The following MAMDC2 variants were observed in gnomAD, a reference collection of about 807,000 sequenced individuals.
MAMDC2 encodes the protein MAM domain containing 2, also known as MAM domain-containing protein 2.
Under a neutral mutation model 89.8 loss-of-function variants are expected in MAMDC2, and 57 were observed. The observed-to-expected ratio is 0.63, with a 90% CI of 0.51 to 0.79. The LOEUF (loss-of-function observed/expected upper bound fraction) is 0.79, where lower values mean the gene tolerates loss of function less well. Among genes scored for constraint, MAMDC2 ranks in the 30% least tolerant of loss-of-function variants. MAMDC2 has a pLI of 0.00. For missense variants in MAMDC2, 800 were observed against 820.6 expected, an observed-to-expected ratio of 0.97 and a Z score of 0.31; for synonymous variants, 313 against 293.4, an observed-to-expected ratio of 1.07 and a Z score of -0.68.
intron 11 of MAMDC2, chr9:70,172,641 T>A (rs185847660): frequency 6.5e-6 from 1 of 152,724 alleles, no homozygotes; most frequent in East Asian, 1.9e-4. Flanking sequence ...ACCTTGCTAG[T>A]GAGTGTCCAT....
chr9:70,211,067 C>T (rs1195569588), intron 11 of MAMDC2, among the ~76,000 whole-genome samples: 4 of 152,156 alleles, frequency 2.6e-5, no homozygotes, highest in African/African-American at 7.2e-5. Flanking sequence ...CATTTTTCCT[C>T]CATTTCCACT....
intron 2 of MAMDC2, among the ~76,000 whole-genome samples, chr9:70,047,192 C>CTT (rs11421160): frequency 1.5e-4 from 22 of 145,904 alleles, no homozygotes; most frequent in African/African-American, 2.3e-4. Flanking sequence ...ACATGCACTT[C>CTT]TTTTTTTTTT....
chr9:70,118,782 A>C (rs2030148214), intron 5 of MAMDC2, among the ~76,000 whole-genome samples: 1 of 152,240 alleles, frequency 6.6e-6, no homozygotes, highest in African/African-American at 2.4e-5. Context: ...TCAGAACTGC[A>C]GAGAAGGTTG....
chr9:70,047,594 G>GC (rs1826784579), intron 2 of MAMDC2, among the ~76,000 whole-genome samples: 1 of 152,144 alleles, frequency 6.6e-6, no homozygotes, highest in Non-Finnish European at 1.5e-5. Flanking sequence ...TCTTTATCCA[G>GC]TCTATCACTG....
intron 2 of MAMDC2, among the ~76,000 whole-genome samples, chr9:70,084,715 T>C (rs113909249): frequency 0.045 from 6,884 of 152,192 alleles, 245 homozygotes; most frequent in Non-Finnish European, 0.067. Flanking sequence ...GTTATTATGA[T>C]CCACTGAAAC....
intron 2 of MAMDC2, among the ~76,000 whole-genome samples, chr9:70,107,447 G>A (rs934957809): frequency 6.6e-6 from 1 of 152,090 alleles, no homozygotes. Context: ...CAGGGAATCC[G>A]AAAGGAGAAG....
intron 11 of MAMDC2, among the ~76,000 whole-genome samples, chr9:70,187,903 G>C (rs945102224): frequency 5.9e-5 from 9 of 152,112 alleles, no homozygotes; most frequent in Non-Finnish European, 5.9e-5. Context: ...GTATAAACCA[G>C]GGAGTGGAAC....
chr9:70,112,914 CT>C, intron 4 of MAMDC2, 80 bp from the exon 5 acceptor site: 1 of 1,552,648 alleles, frequency 6.4e-7, no homozygotes, highest in South Asian at 1.2e-5. Flanking sequence ...TTCTGAATAT[CT>C]AAGAGCAAAC....
At chr9:70,128,508 G>C (rs1176209071) in intron 6 of MAMDC2, among the ~76,000 whole-genome samples, 1 of 152,154 alleles carries the variant, frequency 6.6e-6, no homozygotes, top group African/African-American at 2.4e-5. Context: ...AAGGTGAAAG[G>C]TACTTTAAGA....
chr9:70,158,972 T>C (rs2031864257), intron 9 of MAMDC2, among the ~76,000 whole-genome samples: 1 of 151,980 alleles, frequency 6.6e-6, no homozygotes, highest in Admixed American at 6.6e-5. Flanking sequence ...ATGCAGTCCA[T>C]CATTGACTGG....
chr9:70,186,064 G>GT (rs149035167), intron 11 of MAMDC2, among the ~76,000 whole-genome samples: 10,431 of 150,268 alleles, frequency 0.069, 568 homozygotes, highest in East Asian at 0.22. Context: ...TTTACAAGTT[G>GT]TTTTTTTTTC....
At chr9:70,147,423 T>A (rs1488474955) in intron 9 of MAMDC2, among the ~76,000 whole-genome samples, 1 of 150,270 alleles carries the variant, frequency 6.7e-6, no homozygotes, top group Middle Eastern at 3.2e-3. Context: ...CTCCCTACTA[T>A]GAAAGAGAAG....
chr9:70,075,922 G>C (rs185659332), intron 2 of MAMDC2, among the ~76,000 whole-genome samples: 3 of 152,344 alleles, frequency 2.0e-5, no homozygotes, highest in African/African-American at 7.2e-5. Flanking sequence ...ATGTTGCAAA[G>C]GGAAAATATA....
intron 2 of MAMDC2, among the ~76,000 whole-genome samples, chr9:70,057,898 C>G (rs1159289785): frequency 6.6e-6 from 1 of 152,172 alleles, no homozygotes; most frequent in African/African-American, 2.4e-5. Context: ...TGCAGAAGGA[C>G]TTGCCATCCA....
At chr9:70,126,037 C>A in intron 5 of MAMDC2, 122 bp from the exon 6 acceptor site, 1 of 1,084,058 alleles carries the variant, frequency 9.2e-7, no homozygotes. Flanking sequence ...GTAACTCATC[C>A]ACTTCCTCCT....
At chr9:70,217,602 A>T in intron 11 of MAMDC2, 1 of 1,610,598 alleles carries the variant, frequency 6.2e-7, no homozygotes, top group Non-Finnish European at 8.5e-7. Context: ...CTACAAAGGC[A>T]GCACCTAAGC....
intron 7 of MAMDC2, among the ~76,000 whole-genome samples, chr9:70,138,539 TC>T (rs1304347464): frequency 3.9e-5 from 6 of 152,190 alleles, no homozygotes; most frequent in Non-Finnish European, 7.4e-5. Context: ...GTATAAGAGT[TC>T]CCTTTTCTCC....
In MAMDC2 at chr9:70,129,603, G is replaced by GTCCA. The variant is rs1241031525; in HGVS notation, c.901-1915_901-1912dup. ...ACTAGAAGCCTAGAGGTCAAATCTAGTCCACAGTGGTGATCTGTCTGGCTG... is the reference window on the plus strand; with the variant it reads ...ACTAGAAGCCTAGAGGTCAAATCTAGTCCATCCACAGTGGTGATCTGTCTGGCTG... On this transcript the variant is annotated intron_variant, in intron 6 of 13. Coordinates refer to ENST00000377182, the MANE Select transcript of MAMDC2 (RefSeq NM_153267.5). Among the ~76,000 whole-genome samples the GTCCA allele has an allele frequency of 2.6e-5, 4 of 152,296 alleles. No homozygotes were observed. In the East Asian group the frequency reaches 7.7e-4, roughly 29 times the overall value.
intron 2 of MAMDC2, chr9:70,081,401 G>A (rs1401168385): frequency 6.6e-6 from 1 of 152,092 alleles, no homozygotes; most frequent in Non-Finnish European, 1.5e-5. Flanking sequence ...GATGACCAGG[G>A]AGGCACTGTC....
Sources: allele counts gnomAD v4.1 joint callset (sites outside exome capture counted in the v4.1 genomes callset), GRCh38; gene constraint gnomAD v4.1.1; transcripts MANE v1.5; gene names NCBI Gene and HGNC (gene_info 2026-07-23, HGNC 2026-07-21).